The following NOP14 variants were observed in gnomAD, a reference collection of about 807,000 sequenced individuals.
NOP14 encodes the protein nucleolar protein 14.
A neutral mutation model predicts 101.6 loss-of-function variants in NOP14; 57 were observed. That is an observed-to-expected ratio of 0.56 (90% confidence interval 0.45 to 0.70). The LOEUF (loss-of-function observed/expected upper bound fraction) is 0.70, where lower values mean the gene tolerates loss of function less well. Among genes scored for constraint, NOP14 ranks in the 30% least tolerant of loss-of-function variants. NOP14 has a pLI of 0.00. For synonymous variants in NOP14, 428 were observed against 424.0 expected (o/e 1.01, Z -0.12); for missense variants, 1,134 against 1,075.5 (o/e 1.05, Z -0.76).
At position 2,938,613 on chromosome 4, in the gene NOP14, C is replaced by T; in HGVS notation, c.*218G>A. The T allele has an allele frequency of 1.8e-6, 1 of 553,334 alleles. No individual in the cohort carries two copies. The highest frequency in any genetic ancestry group is 3.2e-5 in the East Asian group (1 of 31,514). 34.3% of individuals were successfully genotyped at this position (553,334 alleles called of 1,614,324 possible). ...AACCTTGGACTCAGCTCAAGCAGTC[C>T]TCCTGCTTCAGCCTCCCGAGTAGTT... On this transcript the variant is annotated 3_prime_UTR_variant, in exon 18 of 18. Coordinates refer to ENST00000416614, the MANE Select transcript of NOP14 (RefSeq NM_001291978.2).
chr4:2,955,805 C>T (rs998823310), intron 3 of NOP14, among the ~76,000 whole-genome samples: 4 of 152,242 alleles, frequency 2.6e-5, no homozygotes, highest in South Asian at 2.1e-4. Flanking sequence ...CGAGCAGTGG[C>T]GGGGCCTCCT....
At chr4:2,938,984 C>A in intron 17 of NOP14, 54 bp from the exon 18 acceptor site, 1 of 1,536,788 alleles carries the variant, frequency 6.5e-7, no homozygotes, top group Non-Finnish European at 9.0e-7. Context: ...TGGAGAGCAT[C>A]TTGCCCTCTC....
At chr4:2,951,288 A>G (rs763241633) in intron 6 of NOP14, 43 bp from the exon 7 acceptor site, 7 of 1,601,136 alleles carry the variant, frequency 4.4e-6, no homozygotes, top group East Asian at 2.2e-5. Context: ...CACTCTTCCA[A>G]CATATGGTGA....
Position 2,938,497 on chromosome 4 carries a change from T to C in NOP14, c.*334A>G. 1 of 332,434 alleles carries C rather than the reference T, an allele frequency of 3.0e-6. No individual in the cohort carries two copies. Among genetic ancestry groups the C allele is most frequent in the South Asian group, 2.5e-5 (1 of 40,072 alleles). 20.6% of individuals were successfully genotyped at this position (332,434 alleles called of 1,614,324 possible). A position where few individuals can be genotyped will look rare whatever the true frequency, so the allele number is the denominator to read the frequency against. ...CCAGCCTGGGCAACAAGAGCAAAAC[T>C]CCGTCTCAAAAAAAAAAATTTTTTT... On this transcript the variant is annotated 3_prime_UTR_variant, in exon 18 of 18. Transcript: ENST00000416614.
At position 2,947,587 on chromosome 4, in the gene NOP14, A is replaced by G; in HGVS notation, c.1438T>C (p.Tyr480His). 1 of 1,614,116 alleles carries G rather than the reference A, an allele frequency of 6.2e-7. No homozygotes were observed. The highest frequency in any genetic ancestry group is 2.2e-5 in the East Asian group (1 of 44,894). Residue 480 changes from tyrosine (Y) to histidine (H), a missense_variant, in exon 10 of 18, where the codon TAC (tyrosine) becomes CAC (histidine). Tyr to His is a moderately conservative substitution (Grantham distance 83). Transcript: ENST00000416614. The stretch of plus-strand genomic sequence containing the variant: ...TCATCTGTAGCCAAATCGCCAACGT[A>G]TTCCAAAAGAAAGCCAAACAGTTTC... ...LEKLFGFLLEYVGDLATDDPP... is the reference protein window; with the variant it reads ...LEKLFGFLLEHVGDLATDDPP...
rs1560312071 is a variant in NOP14, at chr4:2,961,168, C to CTAA, written c.195+1956_195+1957insTTA. On this transcript the variant is annotated intron_variant, in intron 1 of 17. Transcript: ENST00000416614. ...ACTAATATAATAATATATTAATATG[C>CTAA]TATTACAATAATATATTAATATGCT... Among the ~76,000 whole-genome samples the CTAA allele has an allele frequency of 8.0e-3, 18 of 2,240 alleles. 2 individuals carry two copies. The highest frequency in any genetic ancestry group is 0.021 in the African/African-American group (12 of 566). The allele number at this position is 2,240 out of a possible 152,430, so 1.5% of individuals were successfully genotyped here.
At chr4:2,953,253 C>T (rs1370693363) in intron 5 of NOP14, among the ~76,000 whole-genome samples, 2 of 152,190 alleles carry the variant, frequency 1.3e-5, no homozygotes, top group Admixed American at 6.5e-5. Flanking sequence ...CCTATTCTAA[C>T]GTGTCCACCC....
At position 2,954,512 on chromosome 4, in the gene NOP14, T is replaced by C. The variant is rs767854570; in HGVS notation, c.524A>G (p.Lys175Arg). The change falls in exon 4 of 18, where the codon AAG (lysine) becomes AGG (arginine). Residue 175 changes from lysine to arginine, a missense_variant. Lys to Arg is a conservative substitution (Grantham distance 26). Coordinates refer to ENST00000416614, the MANE Select transcript of NOP14 (RefSeq NM_001291978.2). Reference protein sequence around the residue: ...FGGGGGLLHKKTQQEGEEREK... With the variant: ...FGGGGGLLHKRTQQEGEEREK... ...CCGCTCCTCGCCTTCCTGTTGAGTC[T>C]TCTTGTGAAGGAGCCCACCGCCTCC... 6.2e-7 allele frequency: 1 copy of C among 1,614,206 alleles called. No individual in the cohort carries two copies. Among genetic ancestry groups the C allele is most frequent in the Non-Finnish European group, 8.5e-7 (1 of 1,180,026 alleles).
intron 3 of NOP14, among the ~76,000 whole-genome samples, chr4:2,956,069 T>C (rs1252468768): frequency 6.6e-6 from 1 of 152,228 alleles, no homozygotes; most frequent in Non-Finnish European, 1.5e-5. Flanking sequence ...ACCTTATAAA[T>C]AGGGTTCAAG....
Position 2,944,110 on chromosome 4 carries a change from C to T in NOP14, c.1854G>A (p.Gly618=). Residue 618 remains glycine (G), a synonymous_variant, in exon 13 of 18, where the codon GGG becomes GGA. Coordinates refer to ENST00000416614, the MANE Select transcript of NOP14 (RefSeq NM_001291978.2). ...TGTTTGGAGTTGCTATGTAAAGAATCCCAAGAAGAAAATTAATAAGCTCAG... is the reference window on the plus strand; with the variant it reads ...TGTTTGGAGTTGCTATGTAAAGAATTCCAAGAAGAAAATTAATAAGCTCAG... ...FIPELINFLL[G]ILYIATPNKA... is the part of the protein sequence containing the mutation. The T allele has an allele frequency of 6.2e-7, 1 of 1,613,074 alleles. No homozygotes were observed. The highest frequency in any genetic ancestry group is 1.1e-5 in the South Asian group (1 of 90,726).
Position 2,939,598 on chromosome 4 carries a change from G to A in NOP14, c.2247C>T (p.Leu749=), listed in dbSNP as rs1713981097. 1.2e-6 allele frequency: 2 copies of A among 1,613,934 alleles called. No homozygotes were observed. The highest frequency in any genetic ancestry group is 4.5e-5 in the East Asian group (2 of 44,884). The part of the protein sequence containing the change: ...TLTEMESQKQ[L]CRPLTCEKSK... ...TCTTCTCACAGGTCAGCGGCCGGCA[G>A]AGCTGCTTCTGGCTTTCCATTTCGG... Residue 749 remains leucine, a synonymous_variant, in exon 16 of 18, where the codon CTC becomes CTT. Transcript: ENST00000416614.
chr4:2,938,038 G>T lies in NOP14; in HGVS notation c.*793C>A. On this transcript the variant is annotated 3_prime_UTR_variant, in exon 18 of 18. Coordinates refer to ENST00000416614, the MANE Select transcript of NOP14 (RefSeq NM_001291978.2). ...GAAATTACACTGGCCAGAATCCCCA[G>T]TCCCCATGAGGCTTGTCCAGACGCA... 3.0e-6 allele frequency: 1 copy of T among 337,976 alleles called. No individual in the cohort carries two copies. Among genetic ancestry groups the T allele is most frequent in the Non-Finnish European group, 5.2e-6 (1 of 193,700 alleles). 20.9% of individuals were successfully genotyped at this position (337,976 alleles called of 1,614,324 possible).
intron 12 of NOP14, among the ~76,000 whole-genome samples, chr4:2,944,702 T>C (rs1204037094): frequency 6.6e-6 from 1 of 152,200 alleles, no homozygotes; most frequent in Non-Finnish European, 1.5e-5. Flanking sequence ...CCACCGCGCC[T>C]GGCCAGAGCT....
rs1319363887 is a variant in NOP14 at position 2,941,822 on chromosome 4, C to T, written c.2052-93G>A. The stretch of plus-strand genomic sequence containing the variant: ...GCAAAAATGAACTTCCCCACTTCCA[C>T]TAGGCTGAAAACTCCAGTGTGGCCA... On this transcript the variant is annotated intron_variant, in intron 14 of 17. Coordinates refer to ENST00000416614, the MANE Select transcript of NOP14 (RefSeq NM_001291978.2). 6 of 1,421,390 alleles carry T rather than the reference C, an allele frequency of 4.2e-6. No homozygotes were observed. The African/African-American group carries it at 7.0e-5, about 17-fold the overall frequency. 88.0% of individuals were successfully genotyped at this position (1,421,390 alleles called of 1,614,324 possible).
At chr4:2,954,287 T>C (rs1358010813) in intron 4 of NOP14, 137 bp downstream of exon 4, 1 of 1,011,204 alleles carries the variant, frequency 9.9e-7, no homozygotes, top group East Asian at 2.5e-5. Context: ...AAATTCCTAC[T>C]CACAATAAAT....
At chr4:2,955,106 T>G (rs1715258100) in intron 3 of NOP14, among the ~76,000 whole-genome samples, 1 of 134,320 alleles carries the variant, frequency 7.4e-6, no homozygotes, top group African/African-American at 2.9e-5. Context: ...GCGCCCCCTC[T>G]AGTCACCTGC....
rs1342497949 is a variant in NOP14 at position 2,957,662 on chromosome 4, T to C, written c.274A>G (p.Asn92Asp). 5 of 1,614,088 alleles carry C rather than the reference T, an allele frequency of 3.1e-6. No individual in the cohort carries two copies. Among genetic ancestry groups the C allele is most frequent in the Admixed American group, 3.3e-5 (2 of 60,012 alleles). ...TTCTCCTCGGGGCTCATGTTGCTGT[T>C]GTATTCTCCGAAGCGTTTATCTCTG... Reference protein sequence around the residue: ...VFRDKRFGEYNSNMSPEEKMM... With the variant: ...VFRDKRFGEYDSNMSPEEKMM... Residue 92 changes from asparagine (N) to aspartate (D), a missense_variant, in exon 2 of 18, where the codon AAC (asparagine) becomes GAC (aspartate). Asn to Asp is a conservative substitution (Grantham distance 23). Transcript: ENST00000416614.
chr4:2,954,525 G>A lies in NOP14; in HGVS notation c.511C>T (p.Leu171Phe). The A allele has an allele frequency of 6.2e-7, 1 of 1,614,126 alleles. No individual in the cohort carries two copies. Among genetic ancestry groups the A allele is most frequent in the Non-Finnish European group, 8.5e-7 (1 of 1,180,020 alleles). ...TAAHFGGGGG[L>F]LHKKTQQEGE... ...TCCTGTTGAGTCTTCTTGTGAAGGA[G>A]CCCACCGCCTCCTCCAAAGTGGGCA... Residue 171 changes from leucine to phenylalanine, a missense_variant, in exon 4 of 18, where the codon CTC becomes TTC. Transcript: ENST00000416614.
At chr4:2,953,477 G>A in intron 5 of NOP14, 34 bp downstream of exon 5, 1 of 1,611,434 alleles carries the variant, frequency 6.2e-7, no homozygotes, top group Non-Finnish European at 8.5e-7. Context: ...CAAGCTCAGT[G>A]AGTGAAGAGT....
Sources: allele counts gnomAD v4.1 joint callset (sites outside exome capture counted in the v4.1 genomes callset), GRCh38; gene constraint gnomAD v4.1.1; transcripts MANE v1.5; gene names NCBI Gene and HGNC (gene_info 2026-07-23, HGNC 2026-07-21).